Variants in CLK1 observed in about 807,000 individuals in gnomAD.
CLK1 encodes CDC like kinase 1, also known as dual specificity protein kinase CLK1.
In CLK1, 40 loss-of-function variants were observed where a neutral mutation model predicts 60.9. The ratio of observed to expected loss-of-function variants is 0.66; its 90% confidence interval spans 0.51 to 0.86. The LOEUF is 0.86. Among genes scored for constraint, CLK1 ranks in the 40% least tolerant of loss-of-function variants. The probability of loss-of-function intolerance (pLI) is 0.00; values close to 1 mark genes in which losing one functional copy is unlikely to be tolerated. For missense variants in CLK1, 563 were observed against 606.1 expected (o/e 0.93, Z 0.75); for synonymous variants, 203 against 184.4 (o/e 1.10, Z -0.82).
In CLK1 at chr2:200,858,003, T is replaced by A; in HGVS notation, c.635A>T (p.His212Leu). 1 of 1,614,102 alleles carries A rather than the reference T, an allele frequency of 6.2e-7. No individual in the cohort carries two copies. Among genetic ancestry groups the A allele is most frequent in the Non-Finnish European group, 8.5e-7 (1 of 1,179,942 alleles). Reference sequence around the variant, plus strand: ...ACTGTTGGGGTCTGTTGTATTCAGATGTTCCAGAACTTGTATTTCTGAGCG... The same window carrying A: ...ACTGTTGGGGTCTGTTGTATTCAGAAGTTCCAGAACTTGTATTTCTGAGCG... ...AARSEIQVLE[H>L]LNTTDPNSTF... The change falls in exon 6 of 13, where the codon CAT becomes CTT. Residue 212 changes from histidine to leucine, a missense_variant. Physicochemically the swap from His to Leu is moderately conservative, Grantham distance 99. This residue lies in a region of CLK1 where 360 missense variants were observed against 407.0 expected (regional missense o/e 0.88). Transcript: ENST00000321356.
intron 12 of CLK1, 115 bp downstream of exon 12, chr2:200,853,788 T>C: frequency 1.5e-6 from 1 of 676,610 alleles, no homozygotes; most frequent in Non-Finnish European, 2.4e-6. Flanking sequence ...TGCAGTGAGC[T>C]GGGCCAACAT....
chr2:200,857,034 C>T (rs747639367), intron 7 of CLK1, 49 bp from the exon 8 acceptor site: 1 of 1,469,780 alleles, frequency 6.8e-7, no homozygotes. Flanking sequence ...CAAACCAAAC[C>T]AAATCACAAA....
Position 200,855,139 on chromosome 2 carries a change from A to G in CLK1, c.1058-53T>C, listed in dbSNP as rs2039017649. The G allele has an allele frequency of 1.6e-5, 23 of 1,400,900 alleles. No homozygotes were observed. In the South Asian group the frequency reaches 2.7e-4, roughly 17 times the overall value. The allele number at this position is 1,400,900 out of a possible 1,614,324, so 86.8% of individuals were successfully genotyped here. On this transcript the variant is annotated intron_variant, in intron 9 of 12. Coordinates refer to ENST00000321356, the MANE Select transcript of CLK1 (RefSeq NM_004071.4). ...AAAAAATACTCAATGTTTGTTAAAG[A>G]AATTAAAAAGTTAGTTAACACTAAT...
Position 200,860,217 on chromosome 2 carries a change from T to C in CLK1, c.391-2A>G. On this transcript the variant is annotated splice_acceptor_variant, in intron 3 of 12. Transcript: ENST00000321356. LOFTEE classifies it high-confidence loss of function. ...GGTTCTTTTCCTTCGGTGACTCTTC[T>C]GGAAACGTCAAGTGGGCGGCACCAA... The C allele has an allele frequency of 6.2e-7, 1 of 1,614,072 alleles. No individual in the cohort carries two copies. The highest frequency in any genetic ancestry group is 8.5e-7 in the Non-Finnish European group (1 of 1,179,980).
At chr2:200,861,655 T>A (rs1157303662) in intron 2 of CLK1, 47 bp downstream of exon 2, 1 of 1,592,732 alleles carries the variant, frequency 6.3e-7, no homozygotes, top group Non-Finnish European at 8.6e-7. Flanking sequence ...ACTAGTTTTG[T>A]CTAGTAATGT....
At chr2:200,861,649 G>A (rs1226658118) in intron 2 of CLK1, 53 bp downstream of exon 2, 2 of 1,592,114 alleles carry the variant, frequency 1.3e-6, no homozygotes, top group Admixed American at 3.5e-5. Flanking sequence ...AGTGATACTA[G>A]TTTTGTCTAG....
intron 9 of CLK1, among the ~76,000 whole-genome samples, chr2:200,855,580 G>A (rs892029355): frequency 4.0e-5 from 6 of 151,574 alleles, no homozygotes; most frequent in Admixed American, 1.3e-4. Context: ...AGCCGAGATC[G>A]CGCCACTGCA....
chr2:200,861,583 C>T (rs1320651015), intron 2 of CLK1, 117 bp from the exon 3 acceptor site: 17 of 1,558,096 alleles, frequency 1.1e-5, no homozygotes, highest in East Asian at 6.7e-5. Flanking sequence ...ACATTACAAA[C>T]CATCAAAATC....
chr2:200,855,845 C>T (rs1359931004), intron 9 of CLK1, among the ~76,000 whole-genome samples: 1 of 150,662 alleles, frequency 6.6e-6, no homozygotes, highest in Non-Finnish European at 1.5e-5. Context: ...CCCATCTCTA[C>T]CAAAAATAAG....
In CLK1 at chr2:200,861,724, T is replaced by C. The variant is rs1202145067; in HGVS notation, c.139A>G (p.Asn47Asp). 2.5e-6 allele frequency: 4 copies of C among 1,614,106 alleles called. No individual in the cohort carries two copies. The highest frequency in any genetic ancestry group is 3.4e-6 in the Non-Finnish European group (4 of 1,180,002). Residue 47 changes from asparagine (N) to aspartate (D), a missense_variant, in exon 2 of 13, where the codon AAT becomes GAT. Physicochemically the swap from Asn to Asp is conservative, Grantham distance 23. Coordinates refer to ENST00000321356, the MANE Select transcript of CLK1 (RefSeq NM_004071.4). ...TACCTATCACACATTTTAGAGTGAT[T>C]GTATTTGCAGCGCTTGTTCTCCTGG... The part of the protein sequence containing the change: ...SAQENKRCKY[N>D]HSKMCDSHYL...
At position 200,854,690 on chromosome 2, in the gene CLK1, G is replaced by C; in HGVS notation, c.1146C>G (p.His382Gln). The C allele has an allele frequency of 6.3e-7, 1 of 1,599,146 alleles. No homozygotes were observed. The highest frequency in any genetic ancestry group is 8.6e-7 in the Non-Finnish European group (1 of 1,166,900). ...YYLGFTVFPTHDSKEHLAMME... is the reference protein window; with the variant it reads ...YYLGFTVFPTQDSKEHLAMME... Reference sequence around the variant, plus strand: ...TCATTGCTAAATGCTCCTTACTATCGTGTGTCTAGAAATAAAATAAAAACA... The same window carrying C: ...TCATTGCTAAATGCTCCTTACTATCCTGTGTCTAGAAATAAAATAAAAACA... The change falls in exon 11 of 13, where the codon CAC (histidine) becomes CAG (glutamine). Residue 382 changes from histidine (H) to glutamine (Q), a missense_variant. By Grantham distance (24) the His-to-Gln change is conservative. Coordinates refer to ENST00000321356, the MANE Select transcript of CLK1 (RefSeq NM_004071.4).
At chr2:200,860,879 G>T in intron 3 of CLK1, 1 of 1,066,478 alleles carries the variant, frequency 9.4e-7, no homozygotes. Flanking sequence ...AAAATAAAAT[G>T]CCCTGTTCTA....
chr2:200,856,976 C>A lies in CLK1; in HGVS notation c.842G>T (p.Ser281Ile). ...QICKSVNFLH[S>I]NKLTHTDLKP... ...TAAGTCTGTGTGAGTCAACTTATTA[C>A]TGTGCAAAACTGAGAATAAAGAGAA... Residue 281 changes from serine to isoleucine, a missense_variant, in exon 8 of 13, where the codon AGT becomes ATT. Physicochemically the swap from Ser to Ile is moderately radical, Grantham distance 142. This residue lies in a region of CLK1 where 360 missense variants were observed against 407.0 expected (regional missense o/e 0.88). Transcript: ENST00000321356. 1 of 1,613,114 alleles carries A rather than the reference C, an allele frequency of 6.2e-7. No homozygotes were observed. Among genetic ancestry groups the A allele is most frequent in the Non-Finnish European group, 8.5e-7 (1 of 1,179,328 alleles).
At chr2:200,854,469 G>T (rs756434027) in intron 11 of CLK1, 147 bp downstream of exon 11, 2 of 548,850 alleles carry the variant, frequency 3.6e-6, no homozygotes, top group Admixed American at 3.4e-5. Context: ...CCAGGAGGGA[G>T]AGCTTGCATT....
chr2:200,858,371 A>G (rs1182756111), intron 5 of CLK1, among the ~76,000 whole-genome samples: 1 of 152,204 alleles, frequency 6.6e-6, no homozygotes, highest in Admixed American at 6.5e-5. Flanking sequence ...CCAGGTTGCC[A>G]AAAGAGTTAG....
chr2:200,861,908 G>A, intron 1 of CLK1, 46 bp from the exon 2 acceptor site: 1 of 1,561,768 alleles, frequency 6.4e-7, no homozygotes. Flanking sequence ...ACCCCACACT[G>A]AGCTGTTTAA....
chr2:200,854,995 G>A lies in CLK1; in HGVS notation c.1140+9C>T. Reference sequence around the variant, plus strand: ...CAAAGCAAGGTTGAAATAGATCATTGTCACTTACTGGAAATACGGTAAACC... The same window carrying A: ...CAAAGCAAGGTTGAAATAGATCATTATCACTTACTGGAAATACGGTAAACC... On this transcript the variant is annotated intron_variant, in intron 10 of 12. Coordinates refer to ENST00000321356, the MANE Select transcript of CLK1 (RefSeq NM_004071.4). The A allele has an allele frequency of 6.3e-7, 1 of 1,595,998 alleles. No individual in the cohort carries two copies. The highest frequency in any genetic ancestry group is 8.5e-7 in the Non-Finnish European group (1 of 1,170,634).
chr2:200,863,674 T>C (rs1461937290), intron 1 of CLK1, among the ~76,000 whole-genome samples: 1 of 152,072 alleles, frequency 6.6e-6, no homozygotes, highest in African/African-American at 2.4e-5. Context: ...CTTAATATGG[T>C]GAAACTCTGT....
At position 200,861,057 on chromosome 2, in the gene CLK1, C is replaced by A; in HGVS notation, c.390+181G>T. The A allele has an allele frequency of 3.6e-6, 5 of 1,406,002 alleles. No individual in the cohort carries two copies. The South Asian group carries it at 8.5e-5, about 24-fold the overall frequency. The allele number at this position is 1,406,002 out of a possible 1,614,324, so 87.1% of individuals were successfully genotyped here. A position where few individuals can be genotyped will look rare whatever the true frequency, so the allele number is the denominator to read the frequency against. ...GCCAACCAATAATTAAATTATAGAA[C>A]TAAATGTGTACTTTATTTCCGGAAT... On this transcript the variant is annotated intron_variant, in intron 3 of 12. Coordinates refer to ENST00000321356, the MANE Select transcript of CLK1 (RefSeq NM_004071.4).
Sources: gnomAD v4.1 joint callset for allele counts (sites outside exome capture counted in the v4.1 genomes callset) on GRCh38, gnomAD v4.1.1 for gene constraint, gnomAD v4.1.1 regional missense constraint, MANE v1.5 for transcripts, NCBI Gene and HGNC (gene_info 2026-07-23, HGNC 2026-07-21) for gene names.